The following NT5DC3 variants were observed in gnomAD, a reference collection of about 807,000 sequenced individuals.
NT5DC3 encodes 5'-nucleotidase domain containing 3, also known as 5'-nucleotidase domain-containing protein 3.
A neutral mutation model predicts 67.8 loss-of-function variants in NT5DC3; 42 were observed. The observed-to-expected ratio is 0.62, with a 90% CI of 0.48 to 0.80. The LOEUF (loss-of-function observed/expected upper bound fraction) is 0.80. Ranked by LOEUF, NT5DC3 falls within the 30% of genes least tolerant of loss-of-function variation. The pLI is 0.00. For missense variants in NT5DC3, 570 were observed against 696.4 expected, an observed-to-expected ratio of 0.82 and a Z score of 2.04; for synonymous variants, 237 against 255.6, an observed-to-expected ratio of 0.93 and a Z score of 0.69.
At chr12:103,790,849 C>CG (rs1379803049) in intron 9 of NT5DC3, among the ~76,000 whole-genome samples, 2 of 151,670 alleles carry the variant, frequency 1.3e-5, no homozygotes, top group Non-Finnish European at 2.9e-5. Flanking sequence ...ACCACCATGC[C>CG]GGGCTAATTT....
chr12:103,765,971 T>G (rs981944351), downstream of NT5DC3: 1 of 462,546 alleles, frequency 2.2e-6, no homozygotes, highest in African/African-American at 2.0e-5. Context: ...CCTTGCTAAA[T>G]GTAGGCTCTA....
chr12:103,782,661 A>G (rs535894192), intron 12 of NT5DC3, among the ~76,000 whole-genome samples: 64 of 152,358 alleles, frequency 4.2e-4, no homozygotes, highest in African/African-American at 1.5e-3. Flanking sequence ...CACCACCACC[A>G]TGAACCACAG....
intron 4 of NT5DC3, among the ~76,000 whole-genome samples, chr12:103,799,509 A>G (rs1276594587): frequency 6.6e-6 from 1 of 152,128 alleles, no homozygotes; most frequent in African/African-American, 2.4e-5. Flanking sequence ...GCCTTCTGCC[A>G]TGATTGTGAG....
In NT5DC3 at chr12:103,782,553, A is replaced by AATATTTACCAC. The variant is rs1256551103; in HGVS notation, c.1330-2190_1330-2189insGTGGTAAATAT. On this transcript the variant is annotated intron_variant, in intron 12 of 13. Coordinates refer to ENST00000392876, the MANE Select transcript of NT5DC3 (RefSeq NM_001031701.3). ...AGAGCCTACAGCCTGCACAGCCTAAAATATTTACCATGTGGCCCTTTGCAG... is the reference window on the plus strand; with the variant it reads ...AGAGCCTACAGCCTGCACAGCCTAAAATATTTACCACATATTTACCATGTGGCCCTTTGCAG... 5.9e-5 allele frequency among the ~76,000 whole-genome samples: 9 copies of AATATTTACCAC among 152,252 alleles called. No individual in the cohort carries two copies. In the South Asian group the frequency reaches 1.9e-3, roughly 32 times the overall value.
At chr12:103,766,439 ACTCAGAAGCCATAC>A, downstream of NT5DC3, 1 of 1,343,644 alleles carries the variant, frequency 7.4e-7, no homozygotes, top group African/African-American at 1.5e-5. Flanking sequence ...TCCTTTAAGC[ACTCAGAAGCCATAC>A]CTCATCTCTC....
intron 5 of NT5DC3, among the ~76,000 whole-genome samples, chr12:103,797,896 C>T (rs534343734): frequency 6.6e-6 from 1 of 152,304 alleles, no homozygotes; most frequent in South Asian, 2.1e-4. Flanking sequence ...CCTAGCCTAT[C>T]TTAAGCATTC....
At chr12:103,822,175 T>A (rs1372059751) in intron 1 of NT5DC3, 1 of 149,408 alleles carries the variant, frequency 6.7e-6, no homozygotes, top group Admixed American at 6.9e-5. Context: ...AACATAACTT[T>A]CCAAATGTTA....
At chr12:103,762,180 C>A in the NT5DC3 span, 1 of 1,537,162 alleles carries the variant, frequency 6.5e-7, no homozygotes, top group South Asian at 1.2e-5. Flanking sequence ...ATTTTTATCC[C>A]CACTGGCTCC....
intron 12 of NT5DC3, 129 bp from the exon 13 acceptor site, chr12:103,780,493 G>A (rs1414138210): frequency 5.3e-6 from 4 of 758,816 alleles, no homozygotes; most frequent in African/African-American, 1.7e-5. Context: ...GCTGGCACCT[G>A]AATGAAATAA....
At chr12:103,793,368 G>A in intron 8 of NT5DC3, 42 bp downstream of exon 8, 1 of 1,564,280 alleles carries the variant, frequency 6.4e-7, no homozygotes, top group Non-Finnish European at 8.8e-7. Context: ...TGGGATACAA[G>A]GAGTGTGCCA....
At chr12:103,757,060 A>G in the NT5DC3 span, among the ~76,000 whole-genome samples, 1 of 147,328 alleles carries the variant, frequency 6.8e-6, no homozygotes, top group East Asian at 2.0e-4. Context: ...ATGTAAATAT[A>G]TATTTTAAAA....
chr12:103,798,289 C>A lies in NT5DC3; in HGVS notation c.615+298G>T, dbSNP rs570954517. Reference sequence around the variant, plus strand: ...TCAGGGGAAGCAGTAGCTGTCACACCGACAGCCCCAATCTGTTCTGGAGCC... The same window carrying A: ...TCAGGGGAAGCAGTAGCTGTCACACAGACAGCCCCAATCTGTTCTGGAGCC... On this transcript the variant is annotated intron_variant, in intron 5 of 13. Coordinates refer to ENST00000392876, the MANE Select transcript of NT5DC3 (RefSeq NM_001031701.3). Among the ~76,000 whole-genome samples the A allele has an allele frequency of 5.9e-5, 9 of 152,094 alleles. No homozygotes were observed. In the South Asian group the frequency reaches 6.2e-4, roughly 11 times the overall value.
At chr12:103,830,893 G>T (rs555188235) in intron 1 of NT5DC3, among the ~76,000 whole-genome samples, 86 of 152,244 alleles carry the variant, frequency 5.6e-4, no homozygotes, top group African/African-American at 2.0e-3. Context: ...TGTCTGCTGA[G>T]TCTGCTGGTT....
intron 1 of NT5DC3, among the ~76,000 whole-genome samples, chr12:103,817,041 G>GAAAAAAA (rs372589040): frequency 2.5e-5 from 2 of 79,336 alleles, no homozygotes; most frequent in Non-Finnish European, 5.3e-5. Context: ...ACAGCAAAAA[G>GAAAAAAA]AAAAAAAAAA....
intron 1 of NT5DC3, among the ~76,000 whole-genome samples, chr12:103,833,153 A>G (rs1026261099): frequency 4.6e-5 from 7 of 152,334 alleles, no homozygotes; most frequent in Admixed American, 1.3e-4. Context: ...GGGCCTCCAC[A>G]GTCAAATTTA....
At chr12:103,808,960 C>G (rs1886917347) in intron 2 of NT5DC3, among the ~76,000 whole-genome samples, 1 of 152,206 alleles carries the variant, frequency 6.6e-6, no homozygotes, top group Non-Finnish European at 1.5e-5. Flanking sequence ...ATGAAGGAAG[C>G]AGGCATCTCA....
chr12:103,807,553 C>G (rs1886855226), intron 2 of NT5DC3, among the ~76,000 whole-genome samples: 1 of 152,202 alleles, frequency 6.6e-6, no homozygotes. Flanking sequence ...TCCAGCTGGG[C>G]AACCCCACGG....
At chr12:103,756,362 G>A in the NT5DC3 span, among the ~76,000 whole-genome samples, 1 of 152,170 alleles carries the variant, frequency 6.6e-6, no homozygotes, top group Non-Finnish European at 1.5e-5. Flanking sequence ...GCATTTAAGA[G>A]GACATTTCAT....
intron 4 of NT5DC3, among the ~76,000 whole-genome samples, chr12:103,804,820 G>A (rs1414599395): frequency 6.6e-6 from 1 of 152,246 alleles, no homozygotes; most frequent in African/African-American, 2.4e-5. Context: ...GGGAGACTGA[G>A]GCGGGCAGAT....
Sources: gnomAD v4.1 joint callset for allele counts (sites outside exome capture counted in the v4.1 genomes callset) on GRCh38, gnomAD v4.1.1 for gene constraint, MANE v1.5 for transcripts, NCBI Gene and HGNC (gene_info 2026-07-23, HGNC 2026-07-21) for gene names.